Variants in DAB1 observed in about 807,000 individuals in gnomAD.
DAB1 encodes DAB adaptor protein 1, also known as disabled homolog 1.
In DAB1, 15 loss-of-function variants were observed where a neutral mutation model predicts 64.6. That is an observed-to-expected ratio of 0.23 (90% CI 0.16 to 0.36). The LOEUF (loss-of-function observed/expected upper bound fraction) is 0.36, where lower values mean the gene tolerates loss of function less well. Among genes scored for constraint, DAB1 ranks in the 10% least tolerant of loss-of-function variants. The pLI is 1.00. For synonymous variants in DAB1, 235 were observed against 251.9 expected (o/e 0.93, Z 0.64); for missense variants, 596 against 706.7 (o/e 0.84, Z 1.78).
intron 6 of DAB1, among the ~76,000 whole-genome samples, chr1:57,660,845 T>C (rs7522826): frequency 0.23 from 34,529 of 152,150 alleles, 4,524 homozygotes; most frequent in Admixed American, 0.33. Flanking sequence ...TCCCACGGAA[T>C]TGATTGAGGC....
chr1:57,439,418 G>GTTTTTTTTT lies in DAB1; in HGVS notation n.626-148253_626-148252insAAAAAAAAA. Among the ~76,000 whole-genome samples the GTTTTTTTTT allele has an allele frequency of 4.0e-3, 467 of 116,056 alleles. 49 individuals carry two copies. Among genetic ancestry groups the GTTTTTTTTT allele is most frequent in the African/African-American group, 8.9e-3 (252 of 28,248 alleles). The allele number at this position is 116,056 out of a possible 152,430, so 76.1% of individuals were successfully genotyped here. ...GCCATGCCATCAACTTGGTGATGAG[G>GTTTTTTTTT]TTTTTTCTTTTTTTTTTTTTTTTTT... On this transcript the variant is annotated intron_variant and non_coding_transcript_variant, in intron 7 of 20. Transcript: ENST00000485760.
chr1:58,340,949 C>T (rs1924570), intron 4 of DAB1, among the ~76,000 whole-genome samples: 17,885 of 152,098 alleles, frequency 0.12, 1,165 homozygotes, highest in East Asian at 0.18. Flanking sequence ...TTTTTCCAGA[C>T]GGCAGATTCA....
chr1:57,687,613 A>G (rs1377754969), intron 6 of DAB1, among the ~76,000 whole-genome samples: 9 of 149,844 alleles, frequency 6.0e-5, no homozygotes, highest in African/African-American at 2.2e-4. Context: ...AAAAAAAAAA[A>G]AAAAAAGAAA....
intron 7 of DAB1, among the ~76,000 whole-genome samples, chr1:57,505,625 T>G (rs1225837671): frequency 6.6e-6 from 1 of 152,198 alleles, no homozygotes; most frequent in African/African-American, 2.4e-5. Context: ...TCTTGACTAA[T>G]TAGTGTCCTG....
intron 4 of DAB1, among the ~76,000 whole-genome samples, chr1:58,214,265 G>T (rs1570492775): frequency 6.6e-6 from 1 of 152,254 alleles, no homozygotes; most frequent in African/African-American, 2.4e-5. Flanking sequence ...TGAAGCCTCT[G>T]AACTAGACGC....
intron 1 of DAB1, among the ~76,000 whole-genome samples, chr1:57,832,770 T>A (rs1009322271): frequency 6.6e-6 from 1 of 152,232 alleles, no homozygotes; most frequent in African/African-American, 2.4e-5. Context: ...CTCCTGAGTC[T>A]TTGGTTATTC....
rs1036040863 is a variant in DAB1, at chr1:58,269,012, A to T, written n.309+74340T>A. Among the ~76,000 whole-genome samples the T allele has an allele frequency of 2.6e-4, 6 of 23,268 alleles. No individual in the cohort carries two copies. The Admixed American group carries it at 3.2e-3, about 13-fold the overall frequency. 15.3% of individuals were successfully genotyped at this position (23,268 alleles called of 152,430 possible). ...CTTGGTCCTCTTGTTTTATTTTTTT[A>T]TTTATTTTTTTTTTATTATACTTTA... On this transcript the variant is annotated intron_variant and non_coding_transcript_variant, in intron 4 of 20. Coordinates refer to the DAB1 transcript ENST00000485760.
chr1:57,590,735 AACACACACACACACACACAC>A lies in DAB1; in HGVS notation n.625+58837_625+58856del, dbSNP rs58957864. ...TGGGAAGGAACACATTGTAGTCCGT[AACACACACACACACACACAC>A]ACACACACACACACACACACACACA... On this transcript the variant is annotated intron_variant and non_coding_transcript_variant, in intron 7 of 20. Transcript: ENST00000485760. Among the ~76,000 whole-genome samples the A allele has an allele frequency of 4.5e-5, 6 of 132,432 alleles. No homozygotes were observed. The South Asian group carries it at 1.1e-3, about 24-fold the overall frequency. The allele number at this position is 132,432 out of a possible 152,430, so 86.9% of individuals were successfully genotyped here.
rs547547998 is a variant in DAB1, at chr1:57,136,101, A to G, written c.306+442T>C. ...ATAGATTTCTTTTTTAAGATTGAGAACTCCATTTATTCTTTTTGATTACAG... is the reference window on the plus strand; with the variant it reads ...ATAGATTTCTTTTTTAAGATTGAGAGCTCCATTTATTCTTTTTGATTACAG... On this transcript the variant is annotated intron_variant, in intron 4 of 14. Transcript: ENST00000371236. Among the ~76,000 whole-genome samples the G allele has an allele frequency of 1.8e-3, 267 of 152,054 alleles. 1 individual carries two copies. Among genetic ancestry groups the G allele is most frequent in the Middle Eastern group, 6.8e-3 (2 of 294 alleles).
At chr1:58,267,479 G>A (rs1661198101) in intron 4 of DAB1, among the ~76,000 whole-genome samples, 1 of 152,132 alleles carries the variant, frequency 6.6e-6, no homozygotes, top group African/African-American at 2.4e-5. Context: ...ACGACCAATG[G>A]AAGACAGCAT....
chr1:58,278,059 A>T (rs1248941395), intron 4 of DAB1, among the ~76,000 whole-genome samples: 1 of 152,196 alleles, frequency 6.6e-6, no homozygotes. Context: ...TTGAAAGCTG[A>T]TATGGATTGG....
At chr1:58,105,824 T>G (rs112866822) in intron 5 of DAB1, among the ~76,000 whole-genome samples, 2 of 152,314 alleles carry the variant, frequency 1.3e-5, no homozygotes, top group African/African-American at 4.8e-5. Flanking sequence ...AAAAGGCAAT[T>G]CTGAGCCTCT....
intron 4 of DAB1, among the ~76,000 whole-genome samples, chr1:57,129,425 T>C (rs754999388): frequency 2.0e-5 from 3 of 152,052 alleles, no homozygotes; most frequent in Non-Finnish European, 4.4e-5. Context: ...CTATTTGACA[T>C]TAAAATAGAT....
intron 6 of DAB1, among the ~76,000 whole-genome samples, chr1:57,680,650 C>T (rs1320260322): frequency 3.9e-5 from 6 of 152,310 alleles, no homozygotes; most frequent in Admixed American, 6.5e-5. Context: ...TTTAAGGACT[C>T]TTGTGACTAC....
chr1:57,569,644 G>A (rs1645169522), intron 7 of DAB1, among the ~76,000 whole-genome samples: 1 of 151,954 alleles, frequency 6.6e-6, no homozygotes. Flanking sequence ...TAAACCTAAT[G>A]TAAATGACAA....
At chr1:57,589,342 C>T (rs1284959848) in intron 7 of DAB1, among the ~76,000 whole-genome samples, 2 of 151,962 alleles carry the variant, frequency 1.3e-5, no homozygotes, top group Non-Finnish European at 1.5e-5. Flanking sequence ...TAAGTAATAA[C>T]CTGGAGAAAA....
At chr1:57,428,077 A>G (rs1685356955), upstream of DAB1, among the ~76,000 whole-genome samples, 1 of 152,152 alleles carries the variant, frequency 6.6e-6, no homozygotes, top group East Asian at 1.9e-4. Flanking sequence ...CTAAGGCAGG[A>G]GAATCACCTG....
At chr1:57,306,409 A>G (rs1159716004) in intron 1 of DAB1, among the ~76,000 whole-genome samples, 1 of 152,156 alleles carries the variant, frequency 6.6e-6, no homozygotes, top group Non-Finnish European at 1.5e-5. Flanking sequence ...CTGATAAATA[A>G]AACCACAAAA....
At chr1:57,528,388 T>C (rs1346559601) in intron 7 of DAB1, among the ~76,000 whole-genome samples, 1 of 152,082 alleles carries the variant, frequency 6.6e-6, no homozygotes, top group East Asian at 1.9e-4. Context: ...ATGACAATAT[T>C]GAGCAGTCAC....
Sources: gnomAD v4.1 joint callset for allele counts (sites outside exome capture counted in the v4.1 genomes callset) on GRCh38, gnomAD v4.1.1 for gene constraint, MANE v1.5 for transcripts, NCBI Gene and HGNC (gene_info 2026-07-23, HGNC 2026-07-21) for gene names.